ZFHX3: variants seen among roughly 807,000 people sequenced by gnomAD.
ZFHX3 encodes the protein zinc finger homeobox 3.
A neutral mutation model predicts 279.1 loss-of-function variants in ZFHX3; 42 were observed. That is an observed-to-expected ratio of 0.15 (90% CI 0.12 to 0.19). ZFHX3 has a LOEUF of 0.19. Ranked by LOEUF, ZFHX3 falls within the 10% of genes least tolerant of loss-of-function variation. The pLI is 1.00. For synonymous variants in ZFHX3, 2,293 were observed against 1,957.8 expected (o/e 1.17, Z -4.52); for missense variants, 4,981 against 4,754.0 (o/e 1.05, Z -1.40).
intron 5 of ZFHX3, among the ~76,000 whole-genome samples, chr16:73,222,857 G>T (rs565311603): frequency 6.6e-6 from 1 of 151,832 alleles, no homozygotes; most frequent in Admixed American, 6.6e-5. Flanking sequence ...TAAAGTATTG[G>T]GTAAAAAGAT....
At chr16:72,820,015 G>T (rs772414416) in intron 5 of ZFHX3, among the ~76,000 whole-genome samples, 1 of 152,140 alleles carries the variant, frequency 6.6e-6, no homozygotes, top group Non-Finnish European at 1.5e-5. Context: ...GGCTTCCCTC[G>T]GTCAGGCACC....
intron 1 of ZFHX3, among the ~76,000 whole-genome samples, chr16:73,712,404 G>T (rs2053371956): frequency 1.3e-5 from 2 of 152,100 alleles, no homozygotes; most frequent in Admixed American, 6.6e-5. Context: ...TCAAACCCAG[G>T]CCTCTGAAAT....
upstream of ZFHX3, among the ~76,000 whole-genome samples, chr16:73,053,005 T>A (rs1186849987): frequency 6.6e-6 from 1 of 152,232 alleles, no homozygotes; most frequent in Non-Finnish European, 1.5e-5. Context: ...CCGTCTTACT[T>A]GGAAAGCGGC....
intron 5 of ZFHX3, among the ~76,000 whole-genome samples, chr16:73,192,225 G>A (rs1473725532): frequency 6.6e-6 from 1 of 152,100 alleles, no homozygotes; most frequent in African/African-American, 2.4e-5. Context: ...TCCCACCGCC[G>A]TTGCAAAGCC....
chr16:73,423,861 CAAAAA>C (rs34917527), intron 3 of ZFHX3, among the ~76,000 whole-genome samples: 3 of 136,724 alleles, frequency 2.2e-5, no homozygotes, highest in African/African-American at 2.7e-5. Context: ...GACTCCATCT[CAAAAA>C]AAAAAAAAAA....
At chr16:73,517,738 T>A (rs2019547174) in intron 2 of ZFHX3, among the ~76,000 whole-genome samples, 1 of 152,170 alleles carries the variant, frequency 6.6e-6, no homozygotes, top group African/African-American at 2.4e-5. Context: ...AGAATATAAA[T>A]TCCCAATCAC....
chr16:73,795,783 G>A (rs563670397), intron 1 of ZFHX3, among the ~76,000 whole-genome samples: 1 of 152,324 alleles, frequency 6.6e-6, no homozygotes, highest in Admixed American at 6.5e-5. Context: ...AAAAGTGTGA[G>A]TTAAGAGGTC....
At chr16:73,689,799 TAC>T (rs751407838) in intron 1 of ZFHX3, among the ~76,000 whole-genome samples, 84 of 152,052 alleles carry the variant, frequency 5.5e-4, no homozygotes, top group Admixed American at 2.0e-3. Flanking sequence ...TCTGAGGACA[TAC>T]AGTTTTTTGT....
intron 5 of ZFHX3, among the ~76,000 whole-genome samples, chr16:73,236,712 C>A (rs1229943889): frequency 6.6e-6 from 1 of 152,166 alleles, no homozygotes; most frequent in Non-Finnish European, 1.5e-5. Context: ...TGCAGATCTA[C>A]ATCCATTTTA....
intron 2 of ZFHX3, among the ~76,000 whole-genome samples, chr16:73,629,180 C>T (rs968296671): frequency 6.6e-6 from 1 of 152,144 alleles, no homozygotes; most frequent in Non-Finnish European, 1.5e-5. Context: ...CAAACAAGGC[C>T]GCTGATACGT....
At chr16:73,059,487 T>TC (rs977784500) in exon 1 of ZFHX3, 2 of 142,306 alleles carry the variant, frequency 1.4e-5, no homozygotes, top group East Asian at 2.0e-4. Flanking sequence ...CCTTTCTTCT[T>TC]CCCCCCCTTC....
chr16:72,968,965 T>C (rs1045861440), intron 1 of ZFHX3, among the ~76,000 whole-genome samples: 8 of 152,284 alleles, frequency 5.3e-5, no homozygotes, highest in African/African-American at 1.9e-4. Context: ...CACACATATA[T>C]ATGTACCTAC....
chr16:73,726,527 T>TA (rs1215098983), intron 1 of ZFHX3, among the ~76,000 whole-genome samples: 1 of 152,168 alleles, frequency 6.6e-6, no homozygotes, highest in African/African-American at 2.4e-5. Flanking sequence ...TCACCATAAA[T>TA]AAATACCTGA....
At chr16:72,865,075 C>T (rs547748028) in intron 4 of ZFHX3, among the ~76,000 whole-genome samples, 26 of 152,258 alleles carry the variant, frequency 1.7e-4, no homozygotes, top group South Asian at 6.2e-4. Flanking sequence ...TAGTGACAGC[C>T]GGCTGAACCA....
intron 7 of ZFHX3, chr16:73,127,737 A>G: frequency 2.8e-6 from 2 of 711,240 alleles, no homozygotes; most frequent in Non-Finnish European, 4.0e-6. Context: ...GGCTGCAGAG[A>G]AAGTTGGACA....
intron 1 of ZFHX3, among the ~76,000 whole-genome samples, chr16:73,868,239 G>A (rs1962078522): frequency 6.6e-6 from 1 of 152,188 alleles, no homozygotes; most frequent in South Asian, 2.1e-4. Flanking sequence ...GTTCAACAAT[G>A]CGGCCAAGTG....
chr16:73,722,127 G>C (rs1438776556), intron 1 of ZFHX3, among the ~76,000 whole-genome samples: 1 of 152,172 alleles, frequency 6.6e-6, no homozygotes. Context: ...TATATGCTTA[G>C]TGCTCAACTG....
intron 1 of ZFHX3, among the ~76,000 whole-genome samples, chr16:73,708,082 G>GT (rs1035660709): frequency 6.6e-6 from 1 of 150,968 alleles, no homozygotes; most frequent in Non-Finnish European, 1.5e-5. Context: ...GGTGTGGTGG[G>GT]GGGGGGAAGT....
At chr16:73,422,224 G>A (rs1374720469) in intron 3 of ZFHX3, among the ~76,000 whole-genome samples, 1 of 149,628 alleles carries the variant, frequency 6.7e-6, no homozygotes, top group East Asian at 1.9e-4. Flanking sequence ...TATTTGGGAG[G>A]CCACCTCTGC....
Sources: allele counts gnomAD v4.1 joint callset (sites outside exome capture counted in the v4.1 genomes callset), GRCh38; gene constraint gnomAD v4.1.1; transcripts MANE v1.5; gene names NCBI Gene and HGNC (gene_info 2026-07-23, HGNC 2026-07-21).